STARD13: variants seen among roughly 807,000 people sequenced by gnomAD.
The protein encoded by STARD13 is stAR-related lipid transfer protein 13.
STARD13 carries 62 observed loss-of-function variants against 106.4 expected under a neutral mutation model. That is an observed-to-expected ratio of 0.58 (90% CI 0.48 to 0.72). STARD13 has a LOEUF of 0.72. Ranked by LOEUF, STARD13 falls within the 30% of genes least tolerant of loss-of-function variation. The pLI, the probability that STARD13 is intolerant of heterozygous loss-of-function variation, is 0.00. For missense variants in STARD13, 1,387 were observed against 1,424.0 expected (o/e 0.97, Z 0.42); for synonymous variants, 565 against 553.0 (o/e 1.02, Z -0.31).
chr13:33,135,223 G>T (rs1878899973), intron 4 of STARD13, among the ~76,000 whole-genome samples: 1 of 152,224 alleles, frequency 6.6e-6, no homozygotes, highest in African/African-American at 2.4e-5. Flanking sequence ...GTGTGGTCAG[G>T]GGGCTGCCAG....
chr13:33,519,240 CTTTCTTTCTTTCT>C, the STARD13 span, among the ~76,000 whole-genome samples: 4 of 150,270 alleles, frequency 2.7e-5, no homozygotes, highest in Non-Finnish European at 5.9e-5. Flanking sequence ...TTCTTTCTTT[CTTTCTTTCTTTCT>C]TTCTTTCTTT....
chr13:33,476,274 A>G, the STARD13 span, among the ~76,000 whole-genome samples: 33,408 of 152,078 alleles, frequency 0.22, 6,793 homozygotes, highest in African/African-American at 0.54. Context: ...TTGATCCCAA[A>G]CATTTTATCA....
intron 1 of STARD13, among the ~76,000 whole-genome samples, chr13:33,170,961 T>G: frequency 6.6e-6 from 1 of 151,964 alleles, no homozygotes; most frequent in East Asian, 1.9e-4. Flanking sequence ...CTAATACCAA[T>G]CAGCCAAATA....
At chr13:33,157,222 A>C (rs1244518546) in intron 3 of STARD13, among the ~76,000 whole-genome samples, 1 of 152,208 alleles carries the variant, frequency 6.6e-6, no homozygotes, top group Non-Finnish European at 1.5e-5. Flanking sequence ...TTAAATACTA[A>C]GGGCAATGAT....
At chr13:33,112,441 T>C (rs113918464) in intron 9 of STARD13, among the ~76,000 whole-genome samples, 3 of 152,350 alleles carry the variant, frequency 2.0e-5, no homozygotes, top group African/African-American at 7.2e-5. Context: ...ATCTATTATC[T>C]ATCTCTATTA....
At chr13:33,603,801 C>T in the STARD13 span, among the ~76,000 whole-genome samples, 1 of 152,074 alleles carries the variant, frequency 6.6e-6, no homozygotes, top group Non-Finnish European at 1.5e-5. Context: ...AGCCTCAGAC[C>T]TGTGTGTGCT....
intron 1 of STARD13, among the ~76,000 whole-genome samples, chr13:33,252,786 T>C (rs1297685870): frequency 6.6e-6 from 1 of 152,176 alleles, no homozygotes; most frequent in Non-Finnish European, 1.5e-5. Flanking sequence ...TCCAATAAAA[T>C]TGGATTTGAC....
the STARD13 span, among the ~76,000 whole-genome samples, chr13:33,470,218 G>A: frequency 1.3e-5 from 2 of 152,222 alleles, no homozygotes; most frequent in South Asian, 4.2e-4. Context: ...TCCCTGCAGA[G>A]GACATGAACT....
the STARD13 span, among the ~76,000 whole-genome samples, chr13:33,635,872 T>C: frequency 6.6e-6 from 1 of 151,400 alleles, no homozygotes; most frequent in Non-Finnish European, 1.5e-5. Flanking sequence ...TACTCCCAGC[T>C]ACCTGGGAGA....
the STARD13 span, among the ~76,000 whole-genome samples, chr13:33,541,660 C>T: frequency 1.3e-5 from 2 of 152,114 alleles, no homozygotes; most frequent in Non-Finnish European, 2.9e-5. Context: ...TTCCCTCTGG[C>T]TTTTACAAGG....
the STARD13 span, among the ~76,000 whole-genome samples, chr13:33,529,104 T>C: frequency 6.6e-6 from 1 of 152,156 alleles, no homozygotes; most frequent in Non-Finnish European, 1.5e-5. Context: ...TTATATACTT[T>C]ATGAGAGCCA....
At chr13:33,430,102 A>C in the STARD13 span, among the ~76,000 whole-genome samples, 1 of 152,160 alleles carries the variant, frequency 6.6e-6, no homozygotes, top group Admixed American at 6.5e-5. Context: ...TAATTTTAGT[A>C]GAGACGGGGT....
At chr13:33,599,360 T>G in the STARD13 span, among the ~76,000 whole-genome samples, 2 of 152,216 alleles carry the variant, frequency 1.3e-5, no homozygotes, top group African/African-American at 4.8e-5. Context: ...AATGAGCAGT[T>G]TGAGGATCTC....
the STARD13 span, among the ~76,000 whole-genome samples, chr13:33,536,497 T>C: frequency 6.6e-6 from 1 of 152,246 alleles, no homozygotes; most frequent in African/African-American, 2.4e-5. Flanking sequence ...GTTGTAATAT[T>C]ACTCAGTCTA....
chr13:33,218,510 G>A (rs1056631262), intron 1 of STARD13, among the ~76,000 whole-genome samples: 1 of 152,068 alleles, frequency 6.6e-6, no homozygotes, highest in Non-Finnish European at 1.5e-5. Flanking sequence ...CTTGAACCTG[G>A]TGCCATCTCT....
rs1879410495 is a variant in STARD13 at position 33,138,753 on chromosome 13, G to A, written c.387+3557C>T. On this transcript the variant is annotated intron_variant, in intron 4 of 13. Coordinates refer to ENST00000336934, the MANE Select transcript of STARD13 (RefSeq NM_178006.4). ...TGTCTCCTGAAATGCTCTTGGCTGG[G>A]TTGTTAGTCTTCCAGTGAGGCGTGC... The A allele has an allele frequency of 5.4e-5, 23 of 427,484 alleles. 1 individual carries two copies. The highest frequency in any genetic ancestry group is 3.4e-4 in the South Asian group (20 of 58,936). 26.5% of individuals were successfully genotyped at this position (427,484 alleles called of 1,614,324 possible).
At position 33,202,846 on chromosome 13, in the gene STARD13, C is replaced by T. The variant is rs79941728; in HGVS notation, c.170-35224G>A. Among the ~76,000 whole-genome samples, 940 of 152,156 alleles carry T rather than the reference C, an allele frequency of 6.2e-3. 15 individuals are homozygous for T. Among genetic ancestry groups the T allele is most frequent in the African/African-American group, 0.021 (856 of 41,524 alleles). On this transcript the variant is annotated intron_variant, in intron 1 of 13. Coordinates refer to ENST00000336934, the MANE Select transcript of STARD13 (RefSeq NM_178006.4). ...GGTGGGGCAGGAGGGACACGGGTGG[C>T]AAAATTCGCTCACTTCCTCTTTCTG...
At chr13:33,589,278 T>C in the STARD13 span, among the ~76,000 whole-genome samples, 1 of 152,164 alleles carries the variant, frequency 6.6e-6, no homozygotes, top group African/African-American at 2.4e-5. Flanking sequence ...TTTGAAGGGT[T>C]TTTTTGTGTC....
At chr13:33,645,591 C>T in the STARD13 span, among the ~76,000 whole-genome samples, 76 of 152,322 alleles carry the variant, frequency 5.0e-4, 1 homozygote, top group African/African-American at 1.6e-3. Flanking sequence ...TTCACATAAC[C>T]AACCTATAGT....
Sources: allele counts gnomAD v4.1 joint callset (sites outside exome capture counted in the v4.1 genomes callset), GRCh38; gene constraint gnomAD v4.1.1; transcripts MANE v1.5; gene names NCBI Gene and HGNC (gene_info 2026-07-23, HGNC 2026-07-21).